The following GRM3 variants were observed in gnomAD, a reference collection of about 807,000 sequenced individuals.
The protein encoded by GRM3 is metabotropic glutamate receptor 3.
GRM3 carries 26 observed loss-of-function variants against 70.5 expected under a neutral mutation model. That is an observed-to-expected ratio of 0.37 (90% CI 0.27 to 0.51). The LOEUF (loss-of-function observed/expected upper bound fraction) is 0.51. Among genes scored for constraint, GRM3 ranks in the 20% least tolerant of loss-of-function variants. The pLI, the probability that GRM3 is intolerant of heterozygous loss-of-function variation, is 0.93. For synonymous variants in GRM3, 443 were observed against 434.9 expected, an observed-to-expected ratio of 1.02 and a Z score of -0.23; for missense variants, 859 against 1,123.8, an observed-to-expected ratio of 0.76 and a Z score of 3.37.
chr7:86,743,259 A>G (rs1233367943), intron 1 of GRM3, among the ~76,000 whole-genome samples: 3 of 152,140 alleles, frequency 2.0e-5, no homozygotes, highest in African/African-American at 7.2e-5. Context: ...ATACTCTCTG[A>G]TTTAAACTTG....
At chr7:86,859,861 T>C (rs1015886561) in intron 5 of GRM3, among the ~76,000 whole-genome samples, 1 of 152,214 alleles carries the variant, frequency 6.6e-6, no homozygotes, top group Non-Finnish European at 1.5e-5. Context: ...GAAGTGGATT[T>C]TGCAGAGCAA....
intron 1 of GRM3, among the ~76,000 whole-genome samples, chr7:86,696,182 C>T (rs1201085727): frequency 6.6e-6 from 1 of 152,156 alleles, no homozygotes; most frequent in East Asian, 1.9e-4. Flanking sequence ...TGTTCACCTC[C>T]AAATCCCCAT....
Position 86,750,905 on chromosome 7 carries a change from T to A in GRM3, c.-140-14101T>A, listed in dbSNP as rs529262537. ...TAAAAGGTCAGGATAGGGAGGATAA[T>A]TTAAACCAACTTTCAATACAATTTG... is the stretch of plus-strand genomic sequence containing the variant. On this transcript the variant is annotated intron_variant, in intron 1 of 5. Transcript: ENST00000361669. Among the ~76,000 whole-genome samples the A allele has an allele frequency of 2.0e-5, 3 of 152,156 alleles. No individual in the cohort carries two copies. The East Asian group carries it at 5.8e-4, about 29-fold the overall frequency.
Position 86,793,108 on chromosome 7 carries a change from T to G in GRM3, c.1324+5992T>G, listed in dbSNP as rs538785306. Among the ~76,000 whole-genome samples the G allele has an allele frequency of 3.3e-5, 5 of 151,224 alleles. No homozygotes were observed. In the South Asian group the frequency reaches 1.1e-3, roughly 32 times the overall value. ...CCTGGTGGAGACAGTCCAGCCTTCTTCTTATGTTTACAATTCTCTACACCT... is the reference window on the plus strand; with the variant it reads ...CCTGGTGGAGACAGTCCAGCCTTCTGCTTATGTTTACAATTCTCTACACCT... On this transcript the variant is annotated intron_variant, in intron 3 of 5. Coordinates refer to ENST00000361669, the MANE Select transcript of GRM3 (RefSeq NM_000840.3).
intron 1 of GRM3, among the ~76,000 whole-genome samples, chr7:86,657,944 G>A (rs939294157): frequency 1.6e-4 from 24 of 152,166 alleles, no homozygotes; most frequent in Non-Finnish European, 3.5e-4. Context: ...TTTAATAATG[G>A]AAAATGTGGG....
intron 2 of GRM3, chr7:86,784,467 A>G (rs773873570): frequency 2.0e-5 from 3 of 152,188 alleles, no homozygotes; most frequent in African/African-American, 4.8e-5. Context: ...AAGTCAAGCT[A>G]TGCATAGACA....
chr7:86,791,470 C>T (rs1004302702), intron 3 of GRM3, among the ~76,000 whole-genome samples: 1 of 151,958 alleles, frequency 6.6e-6, no homozygotes, highest in African/African-American at 2.4e-5. Context: ...TGGAAGAGAC[C>T]CATCACTGTT....
chr7:86,734,766 C>A (rs1795816126), intron 1 of GRM3, among the ~76,000 whole-genome samples: 1 of 152,130 alleles, frequency 6.6e-6, no homozygotes. Context: ...TCTGGCCTAT[C>A]ATTTTTATTT....
chr7:86,759,218 A>T, intron 1 of GRM3, among the ~76,000 whole-genome samples: 1 of 152,080 alleles, frequency 6.6e-6, no homozygotes, highest in East Asian at 1.9e-4. Context: ...GACCAATAAC[A>T]TGTATTCTAA....
intron 1 of GRM3, among the ~76,000 whole-genome samples, chr7:86,666,737 G>A (rs552092996): frequency 9.9e-5 from 15 of 151,990 alleles, no homozygotes; most frequent in South Asian, 8.3e-4. Flanking sequence ...ATAGATTGAG[G>A]CACTGATGAG....
At chr7:86,715,387 A>C (rs376752518) in intron 1 of GRM3, among the ~76,000 whole-genome samples, 18 of 151,990 alleles carry the variant, frequency 1.2e-4, no homozygotes, top group African/African-American at 4.3e-4. Flanking sequence ...AAAGATAGGC[A>C]CATTTCTTAA....
intron 4 of GRM3, among the ~76,000 whole-genome samples, chr7:86,843,100 G>A (rs541484741): frequency 1.2e-3 from 189 of 152,168 alleles, no homozygotes; most frequent in African/African-American, 4.2e-3. Flanking sequence ...GTTTTGTTTT[G>A]GTTATTTGCT....
At chr7:86,707,829 G>A (rs1211370995) in intron 1 of GRM3, among the ~76,000 whole-genome samples, 1 of 152,000 alleles carries the variant, frequency 6.6e-6, no homozygotes, top group Non-Finnish European at 1.5e-5. Context: ...AAACCTGGGA[G>A]ACATAAACCT....
chr7:86,776,186 T>C (rs1233405894), intron 2 of GRM3, among the ~76,000 whole-genome samples: 1 of 152,218 alleles, frequency 6.6e-6, no homozygotes, highest in Non-Finnish European at 1.5e-5. Context: ...AAGTGCTTCA[T>C]ATGTTTTCAT....
intron 1 of GRM3, among the ~76,000 whole-genome samples, chr7:86,686,201 A>G (rs2115998180): frequency 6.6e-6 from 1 of 152,302 alleles, no homozygotes; most frequent in East Asian, 1.9e-4. Context: ...AAAGGAAGAC[A>G]TATGCTTTCA....
chr7:86,722,189 T>C (rs1230781330), intron 1 of GRM3, among the ~76,000 whole-genome samples: 2 of 152,064 alleles, frequency 1.3e-5, no homozygotes, highest in African/African-American at 4.8e-5. Context: ...ATATCTTGGG[T>C]TATTCTCAGA....
intron 1 of GRM3, among the ~76,000 whole-genome samples, chr7:86,752,262 A>G (rs1796248120): frequency 6.6e-6 from 1 of 152,124 alleles, no homozygotes; most frequent in South Asian, 2.1e-4. Flanking sequence ...AAATGGATTC[A>G]TGCAATACGC....
At chr7:86,682,331 ATAT>A (rs1168279103) in intron 1 of GRM3, among the ~76,000 whole-genome samples, 3 of 152,196 alleles carry the variant, frequency 2.0e-5, no homozygotes, top group African/African-American at 7.2e-5. Context: ...TCTTGTACAT[ATAT>A]TATTAGCACT....
chr7:86,788,346 G>A (rs1434028250), intron 3 of GRM3, among the ~76,000 whole-genome samples: 1 of 152,106 alleles, frequency 6.6e-6, no homozygotes, highest in African/African-American at 2.4e-5. Flanking sequence ...TACCTGCAAG[G>A]CAGCCTTGAA....
Sources: gnomAD v4.1 joint callset for allele counts (sites outside exome capture counted in the v4.1 genomes callset) on GRCh38, gnomAD v4.1.1 for gene constraint, MANE v1.5 for transcripts, NCBI Gene and HGNC (gene_info 2026-07-23, HGNC 2026-07-21) for gene names.